Variants in MIS18BP1 observed in about 807,000 individuals in gnomAD.
MIS18BP1 encodes the protein mis18-binding protein 1.
In MIS18BP1, 72 loss-of-function variants were observed where a neutral mutation model predicts 116.1. The observed-to-expected ratio is 0.62, with a 90% CI of 0.51 to 0.75. MIS18BP1 has a LOEUF of 0.75. Among genes scored for constraint, MIS18BP1 ranks in the 30% least tolerant of loss-of-function variants. MIS18BP1 has a pLI of 0.00. For missense variants in MIS18BP1, 1,363 were observed against 1,303.2 expected, an observed-to-expected ratio of 1.05 and a Z score of -0.71; for synonymous variants, 386 against 427.0, an observed-to-expected ratio of 0.90 and a Z score of 1.18.
chr14:45,210,546 A>G lies in MIS18BP1; in HGVS notation c.3004-18T>C, dbSNP rs1432773136. On this transcript the variant is annotated intron_variant, in intron 13 of 16. Coordinates refer to ENST00000310806, the MANE Select transcript of MIS18BP1 (RefSeq NM_018353.5). ...CTTGGCAACTAGAAAACAAGTATTTATTATCAGCAGGCACCCCATAAAAGG... is the reference window on the plus strand; with the variant it reads ...CTTGGCAACTAGAAAACAAGTATTTGTTATCAGCAGGCACCCCATAAAAGG... 1 of 1,613,428 alleles carries G rather than the reference A, an allele frequency of 6.2e-7. No homozygotes were observed. Among genetic ancestry groups the G allele is most frequent in the South Asian group, 1.1e-5 (1 of 91,012 alleles).
At chr14:45,204,795 T>G (rs915113747) in intron 15 of MIS18BP1, among the ~76,000 whole-genome samples, 1 of 152,048 alleles carries the variant, frequency 6.6e-6, no homozygotes, top group Admixed American at 6.6e-5. Context: ...TTGGTAAACT[T>G]AAAATATAAA....
In MIS18BP1 at chr14:45,247,275, T is replaced by C. The variant is rs370177957; in HGVS notation, c.12A>G (p.Thr4=). The change falls in exon 2 of 17, where the codon ACA becomes ACG. Residue 4 remains threonine (T), a synonymous_variant. Coordinates refer to ENST00000310806, the MANE Select transcript of MIS18BP1 (RefSeq NM_018353.5). ...AGTAAATTCTTGAATGTTTCAAAGGTGTTGCAATCATCTTGACAAGAAAGT... is the reference window on the plus strand; with the variant it reads ...AGTAAATTCTTGAATGTTTCAAAGGCGTTGCAATCATCTTGACAAGAAAGT... The part of the protein sequence containing the change: MIA[T]PLKHSRIYLP... The C allele has an allele frequency of 2.6e-6, 4 of 1,556,002 alleles. No individual in the cohort carries two copies. The highest frequency in any genetic ancestry group is 1.4e-5 in the African/African-American group (1 of 72,378).
intron 6 of MIS18BP1, 26 bp from the exon 7 acceptor site, chr14:45,232,846 A>G (rs1891326832): frequency 9.6e-7 from 1 of 1,046,198 alleles, no homozygotes; most frequent in Non-Finnish European, 1.4e-6. Flanking sequence ...CAACAACAAA[A>G]AGTATTTAAA....
At chr14:45,206,750 C>T (rs1890529474) in intron 14 of MIS18BP1, among the ~76,000 whole-genome samples, 1 of 151,838 alleles carries the variant, frequency 6.6e-6, no homozygotes, top group African/African-American at 2.4e-5. Context: ...TTCATTGTAC[C>T]GTCTACGCTC....
intron 10 of MIS18BP1, among the ~76,000 whole-genome samples, chr14:45,226,434 A>G (rs901728786): frequency 2.6e-5 from 4 of 152,200 alleles, no homozygotes; most frequent in Non-Finnish European, 4.4e-5. Flanking sequence ...ATTGTACTAA[A>G]TTCATAAAAG....
At chr14:45,224,792 C>A in intron 10 of MIS18BP1, 46 bp from the exon 11 acceptor site, 1 of 1,330,274 alleles carries the variant, frequency 7.5e-7, no homozygotes. Flanking sequence ...CTCAAATTAG[C>A]TATAAACAAA....
rs931578151 is a variant in MIS18BP1, at chr14:45,231,194, G to C, written c.1541C>G (p.Thr514Arg). 3 of 1,613,918 alleles carry C rather than the reference G, an allele frequency of 1.9e-6. No homozygotes were observed. The highest frequency in any genetic ancestry group is 1.7e-5 in the Admixed American group (1 of 59,994). Residue 514 changes from threonine (T) to arginine (R), a missense_variant, in exon 8 of 17, where the codon ACA becomes AGA. By Grantham distance (71) the Thr-to-Arg change is moderately conservative. Coordinates refer to ENST00000310806, the MANE Select transcript of MIS18BP1 (RefSeq NM_018353.5). ...SMKNDARENQ[T>R]DTAQRATTTY... Reference sequence around the variant, plus strand: ...GGTGGTGGCTCTTTGAGCAGTATCTGTTTGGTTTTCTCGTGCATCATTTTT... The same window carrying C: ...GGTGGTGGCTCTTTGAGCAGTATCTCTTTGGTTTTCTCGTGCATCATTTTT...
At chr14:45,216,625 A>G (rs974430889) in intron 13 of MIS18BP1, among the ~76,000 whole-genome samples, 12 of 152,210 alleles carry the variant, frequency 7.9e-5, no homozygotes, top group African/African-American at 2.4e-4. Flanking sequence ...TCTACTCTTC[A>G]TATGACAAAA....
intron 4 of MIS18BP1, among the ~76,000 whole-genome samples, chr14:45,240,443 C>T (rs1012947763): frequency 6.6e-6 from 1 of 151,792 alleles, no homozygotes; most frequent in Non-Finnish European, 1.5e-5. Context: ...TTCAATTGCC[C>T]CCTCAATTTT....
chr14:45,223,763 G>GTTA (rs1473413790), intron 11 of MIS18BP1, among the ~76,000 whole-genome samples, 155 bp downstream of exon 11: 1 of 152,088 alleles, frequency 6.6e-6, no homozygotes, highest in Non-Finnish European at 1.5e-5. Flanking sequence ...ACCACTAGGA[G>GTTA]TTATGTGTAG....
chr14:45,220,806 T>C lies in MIS18BP1; in HGVS notation c.2670-2352A>G, dbSNP rs928210883. On this transcript the variant is annotated intron_variant, in intron 11 of 16. Transcript: ENST00000310806. ...AGTTGTTTATGAACTCCTAGGCCCATGCTGCAAATTTTGATATATTTTCAT... is the reference window on the plus strand; with the variant it reads ...AGTTGTTTATGAACTCCTAGGCCCACGCTGCAAATTTTGATATATTTTCAT... Among the ~76,000 whole-genome samples the C allele has an allele frequency of 2.6e-5, 4 of 152,176 alleles. No homozygotes were observed. In the East Asian group the frequency reaches 7.7e-4, roughly 29 times the overall value.
intron 4 of MIS18BP1, among the ~76,000 whole-genome samples, chr14:45,238,689 G>T (rs1010465618): frequency 6.6e-6 from 1 of 152,154 alleles, no homozygotes; most frequent in East Asian, 1.9e-4. Context: ...GCTGGGTGTG[G>T]TGGTACACAC....
intron 4 of MIS18BP1, among the ~76,000 whole-genome samples, chr14:45,239,257 G>T (rs1308865854): frequency 6.6e-6 from 1 of 152,146 alleles, no homozygotes. Flanking sequence ...GTTAGGGTTG[G>T]GGGTGGAGGC....
intron 1 of MIS18BP1, among the ~76,000 whole-genome samples, chr14:45,252,081 A>G (rs903184097): frequency 2.6e-5 from 4 of 152,040 alleles, no homozygotes; most frequent in African/African-American, 7.3e-5. Context: ...TTAAGGTATA[A>G]GGTGGTTAAG....
At chr14:45,228,980 A>G (rs1467193594) in intron 8 of MIS18BP1, among the ~76,000 whole-genome samples, 2 of 152,200 alleles carry the variant, frequency 1.3e-5, no homozygotes, top group Non-Finnish European at 2.9e-5. Context: ...AATAAAATTA[A>G]TAACAGCCCC....
intron 11 of MIS18BP1, among the ~76,000 whole-genome samples, chr14:45,222,710 T>C (rs1891007964): frequency 1.3e-5 from 2 of 152,220 alleles, no homozygotes; most frequent in South Asian, 4.1e-4. Flanking sequence ...GTACAACTCC[T>C]GGGTGGCATA....
At chr14:45,230,178 A>C (rs1035673228) in intron 8 of MIS18BP1, among the ~76,000 whole-genome samples, 1 of 152,244 alleles carries the variant, frequency 6.6e-6, no homozygotes, top group Non-Finnish European at 1.5e-5. Flanking sequence ...AAATCAGCAG[A>C]AATGTTTACA....
rs541724651 is a variant in MIS18BP1, at chr14:45,230,858, C to T, written c.1594+283G>A. 7.2e-5 allele frequency among the ~76,000 whole-genome samples: 11 copies of T among 152,202 alleles called. No homozygotes were observed. The East Asian group carries it at 2.1e-3, about 29-fold the overall frequency. On this transcript the variant is annotated intron_variant, in intron 8 of 16. Transcript: ENST00000310806. ...CTGGTCTCAAACTCTTGAGCTCAAG[C>T]GATCCTTGCGCTTCAGCCTCCCAAA...
In MIS18BP1 at chr14:45,224,373, G is replaced by A. The variant is rs1321669783; in HGVS notation, c.2214C>T (p.Thr738=). The A allele has an allele frequency of 6.2e-7, 1 of 1,613,466 alleles. No homozygotes were observed. Among genetic ancestry groups the A allele is most frequent in the Non-Finnish European group, 8.5e-7 (1 of 1,179,886 alleles). The change falls in exon 11 of 17, where the codon ACC becomes ACT. Residue 738 remains threonine (T), a synonymous_variant. Transcript: ENST00000310806. ...GTCTGGTATTTTTCTTAAAGTCAGA[G>A]GTGAGCATTTGTTCCTTTTCAAGGT... ...ISNLEKEQML[T]SDFKKNTRLL...
Sources: gnomAD v4.1 joint callset for allele counts (sites outside exome capture counted in the v4.1 genomes callset) on GRCh38, gnomAD v4.1.1 for gene constraint, MANE v1.5 for transcripts, NCBI Gene and HGNC (gene_info 2026-07-23, HGNC 2026-07-21) for gene names.